The following NUMB variants were observed in gnomAD, a reference collection of about 807,000 sequenced individuals.
NUMB encodes the protein NUMB endocytic adaptor protein.
Under a neutral mutation model 59.7 loss-of-function variants are expected in NUMB, and 29 were observed. The ratio of observed to expected loss-of-function variants is 0.49; its 90% CI spans 0.36 to 0.66. The LOEUF (loss-of-function observed/expected upper bound fraction) is 0.66. NUMB is among the 30% of genes least tolerant of loss of function. The pLI is 0.00. For missense variants in NUMB, 723 were observed against 822.0 expected (o/e 0.88, Z 1.47); for synonymous variants, 288 against 288.2 (o/e 1.00, Z 0.01).
In NUMB at chr14:73,292,809, T is replaced by C. The variant is rs2139832058; in HGVS notation, c.375A>G (p.Arg125=). The C allele has an allele frequency of 1.2e-6, 2 of 1,614,180 alleles. No homozygotes were observed. The highest frequency in any genetic ancestry group is 4.5e-5 in the East Asian group (2 of 44,890). The change falls in exon 8 of 13, where the codon AGA becomes AGG. Residue 125 remains arginine (R), a synonymous_variant. Coordinates refer to ENST00000555238, the MANE Select transcript of NUMB (RefSeq NM_001005743.2). ...CATCACGGCATATGTAAGAAAAGGC[T>C]CTATCAAAGTTCCTGTCTGGGGCAC... ...SFCAPDRNFD[R]AFSYICRDGT...
chr14:73,408,675 C>G (rs1216956437), intron 2 of NUMB, among the ~76,000 whole-genome samples: 1 of 151,920 alleles, frequency 6.6e-6, no homozygotes, highest in African/African-American at 2.4e-5. Flanking sequence ...GTCAGGAGTT[C>G]AAGACCAGCC....
At chr14:73,339,600 C>T (rs1432423020) in intron 4 of NUMB, among the ~76,000 whole-genome samples, 1 of 152,042 alleles carries the variant, frequency 6.6e-6, no homozygotes, top group Non-Finnish European at 1.5e-5. Flanking sequence ...CTATGCTGCC[C>T]AAGCTGGTCT....
chr14:73,316,507 ATTGGGG>A, intron 5 of NUMB, 85 bp from the exon 6 acceptor site: 5 of 1,318,324 alleles, frequency 3.8e-6, no homozygotes, highest in African/African-American at 2.9e-5. Flanking sequence ...ACATACAGAA[ATTGGGG>A]AAAGGAAAAA....
In NUMB at chr14:73,401,563, A is replaced by ATTT. The variant is rs1164847403; in HGVS notation, c.-101+8371_-101+8373dup. On this transcript the variant is annotated intron_variant, in intron 2 of 12. Transcript: ENST00000555238. Reference sequence around the variant, plus strand: ...CCACTAACAAAATATGTAAGACTAAATTTTTTTTTTTTTTTTTTTTTTTTG... The same window carrying ATTT: ...CCACTAACAAAATATGTAAGACTAAATTTTTTTTTTTTTTTTTTTTTTTTTTTG... Among the ~76,000 whole-genome samples the ATTT allele has an allele frequency of 7.0e-3, 770 of 110,010 alleles. 14 individuals are homozygous for ATTT. The highest frequency in any genetic ancestry group is 0.02 in the South Asian group (63 of 3,200). 72.2% of individuals were successfully genotyped at this position (110,010 alleles called of 152,430 possible).
intron 2 of NUMB, among the ~76,000 whole-genome samples, chr14:73,397,515 T>G (rs530420879): frequency 5.9e-5 from 9 of 152,288 alleles, no homozygotes; most frequent in Admixed American, 5.9e-4. Context: ...TCTTAATTAT[T>G]GGCTCTGGTG....
At chr14:73,456,491 C>A (rs1388228390) in intron 1 of NUMB, among the ~76,000 whole-genome samples, 1 of 152,232 alleles carries the variant, frequency 6.6e-6, no homozygotes, top group Non-Finnish European at 1.5e-5. Flanking sequence ...ACATTGTGAC[C>A]TAGTACATAC....
intron 4 of NUMB, among the ~76,000 whole-genome samples, chr14:73,353,069 C>CTTTTTTT (rs1566756859): frequency 5.5e-5 from 1 of 18,080 alleles, no homozygotes; most frequent in African/African-American, 2.3e-4. Flanking sequence ...CACAGTTTTT[C>CTTTTTTT]TTGTTTTTTT....
rs1555367040 is a variant in NUMB, at chr14:73,277,762, T to TTA, written c.1241-470_1241-469insTA. On this transcript the variant is annotated intron_variant, in intron 12 of 12. Coordinates refer to ENST00000555238, the MANE Select transcript of NUMB (RefSeq NM_001005743.2). ...GGGCAACACAGTGAGAATTCTGTCTTAAAAAAAAAAAAAGGCCACGTGCAG... is the reference window on the plus strand; with the variant it reads ...GGGCAACACAGTGAGAATTCTGTCTTTAAAAAAAAAAAAAAGGCCACGTGCAG... 2.4e-4 allele frequency among the ~76,000 whole-genome samples: 35 copies of TTA among 144,014 alleles called. 1 individual carries two copies. Among genetic ancestry groups the TTA allele is most frequent in the African/African-American group, 8.7e-4 (34 of 39,256 alleles). 94.5% of individuals were successfully genotyped at this position (144,014 alleles called of 152,430 possible).
intron 2 of NUMB, among the ~76,000 whole-genome samples, chr14:73,367,348 T>TAGAGAGAGAGAGAGAGAG (rs71112740): frequency 0.01 from 1,104 of 105,184 alleles, 10 homozygotes; most frequent in Non-Finnish European, 0.015. Flanking sequence ...TATATATATA[T>TAGAGAGAGAGAGAGAGAG]AGAGAGAGAG....
chr14:73,331,462 G>A (rs981660134), intron 4 of NUMB, among the ~76,000 whole-genome samples: 2 of 152,146 alleles, frequency 1.3e-5, no homozygotes, highest in African/African-American at 4.8e-5. Flanking sequence ...GCAGGAGAAT[G>A]GCATGAACCA....
chr14:73,408,467 A>G (rs1171562994), intron 2 of NUMB, among the ~76,000 whole-genome samples: 1 of 151,038 alleles, frequency 6.6e-6, no homozygotes, highest in East Asian at 1.9e-4. Flanking sequence ...CTTTGAACTA[A>G]CGTGTTCTTA....
intron 11 of NUMB, among the ~76,000 whole-genome samples, chr14:73,280,453 T>C (rs1379272267): frequency 2.6e-5 from 4 of 151,904 alleles, no homozygotes; most frequent in African/African-American, 7.2e-5. Flanking sequence ...AAGATTTTTT[T>C]CCCCCTCTAT....
intron 4 of NUMB, among the ~76,000 whole-genome samples, chr14:73,332,225 C>G (rs1189632818): frequency 6.6e-6 from 1 of 151,836 alleles, no homozygotes; most frequent in Non-Finnish European, 1.5e-5. Flanking sequence ...ATGGTGACAC[C>G]AAAGACTTTA....
At chr14:73,354,257 C>G (rs1893643277) in intron 4 of NUMB, among the ~76,000 whole-genome samples, 1 of 151,940 alleles carries the variant, frequency 6.6e-6, no homozygotes, top group South Asian at 2.1e-4. Flanking sequence ...GTCTGTAACC[C>G]CAGCACTTTG....
intron 4 of NUMB, among the ~76,000 whole-genome samples, chr14:73,332,227 A>T: frequency 6.6e-6 from 1 of 152,054 alleles, no homozygotes; most frequent in East Asian, 1.9e-4. Context: ...GGTGACACCA[A>T]AGACTTTAGC....
At chr14:73,453,225 T>C (rs1884111201) in intron 1 of NUMB, among the ~76,000 whole-genome samples, 1 of 152,176 alleles carries the variant, frequency 6.6e-6, no homozygotes, top group Non-Finnish European at 1.5e-5. Flanking sequence ...CTCCGCCTCC[T>C]GGGTTCAAGT....
At chr14:73,328,763 A>G (rs942152440) in intron 4 of NUMB, among the ~76,000 whole-genome samples, 1 of 152,130 alleles carries the variant, frequency 6.6e-6, no homozygotes, top group Admixed American at 6.6e-5. Context: ...TTAAAAAATT[A>G]TGTTTCTTTC....
intron 6 of NUMB, 185 bp from the exon 7 acceptor site, chr14:73,297,470 A>C: frequency 2.2e-6 from 1 of 462,496 alleles, no homozygotes; most frequent in South Asian, 3.8e-5. Context: ...AGGAAAAAAC[A>C]AGCCAAAGCC....
chr14:73,456,517 T>C lies in NUMB; in HGVS notation c.-233+1976A>G, dbSNP rs1884387858. Among the ~76,000 whole-genome samples the C allele has an allele frequency of 2.0e-5, 3 of 152,262 alleles. No homozygotes were observed. In the South Asian group the frequency reaches 6.2e-4, roughly 31 times the overall value. ...TAGTACATACATGTAGGAGAAAAGT[T>C]TCCCAAAACAATACTTTTCCTTACC... On this transcript the variant is annotated intron_variant, in intron 1 of 12. Coordinates refer to ENST00000555238, the MANE Select transcript of NUMB (RefSeq NM_001005743.2).
Sources: allele counts gnomAD v4.1 joint callset (sites outside exome capture counted in the v4.1 genomes callset), GRCh38; gene constraint gnomAD v4.1.1; transcripts MANE v1.5; gene names NCBI Gene and HGNC (gene_info 2026-07-23, HGNC 2026-07-21).